The following PRRT4 variants were observed in gnomAD, a reference collection of about 807,000 sequenced individuals.
The protein encoded by PRRT4 is proline-rich transmembrane protein 4.
PRRT4 carries 59 observed loss-of-function variants against 55.6 expected under a neutral mutation model. The observed-to-expected ratio is 1.06, with a 90% CI of 0.86 to 1.32. The LOEUF is 1.32. Among genes scored for constraint, PRRT4 ranks in the 40% most tolerant of loss-of-function variants. PRRT4 has a pLI of 0.00. For missense variants in PRRT4, 1,217 were observed against 1,222.0 expected (o/e 1.00, Z 0.06); for synonymous variants, 606 against 601.8 (o/e 1.01, Z -0.10).
exon 2 of PRRT4, chr7:128,359,617 G>A: frequency 6.5e-7 from 1 of 1,528,512 alleles, no homozygotes; most frequent in Admixed American, 2.1e-5. Context: ...GAAGCAGGGA[G>A]GAGGCCCGGG....
chr7:128,352,150 G>C (rs1004759918), exon 5 of PRRT4: 3 of 1,346,032 alleles, frequency 2.2e-6, no homozygotes, highest in South Asian at 3.7e-5. Flanking sequence ...GAGCAGCAGC[G>C]CAGCCAGGCC....
In PRRT4 at chr7:128,360,149, G is replaced by A. The variant is rs144880813; in HGVS notation, c.-72-86C>T. On this transcript the variant is annotated intron_variant, in intron 1 of 4. Coordinates refer to ENST00000535159, the Ensembl canonical transcript of PRRT4. ...TCGGATGTCCCAGAGAGAGGCTTCT[G>A]ATCTCAGAGAAGCAGGTAGTGTGGG... 8.3e-5 allele frequency: 43 copies of A among 519,604 alleles called. 1 individual carries two copies. In the East Asian group the frequency reaches 1.5e-3, roughly 18 times the overall value. 32.2% of individuals were successfully genotyped at this position (519,604 alleles called of 1,614,324 possible). A position where few individuals can be genotyped will look rare whatever the true frequency, so the allele number is the denominator to read the frequency against.
exon 5 of PRRT4, chr7:128,352,311 G>T: frequency 6.5e-7 from 1 of 1,542,700 alleles, no homozygotes. Context: ...AGAAGAGCGG[G>T]AAGGCCCGCG....
exon 2 of PRRT4, chr7:128,359,476 G>A (rs1273020867): frequency 6.8e-7 from 1 of 1,463,418 alleles, no homozygotes; most frequent in South Asian, 1.5e-5. Flanking sequence ...GCTCGCTCTG[G>A]TGGGGCCTGG....
In PRRT4 at chr7:128,352,537, G is replaced by C. The variant is rs1797014929; in HGVS notation, c.1019C>G (p.Pro340Arg). 3.2e-6 allele frequency: 5 copies of C among 1,544,166 alleles called. No homozygotes were observed. The East Asian group carries it at 1.2e-4, about 38-fold the overall frequency. ...CAGGGTCAGGAAAAAGAGGGGCCTC[G>C]GCGCCTCGGGAGGCTGCCCCTCGCG... The change falls in exon 5 of 5, where the codon CCG becomes CGG. Residue 340 changes from proline to arginine, a missense_variant. Around this residue, in one of 3 missense-constraint regions of PRRT4, gnomAD observed 564 missense variants for 592.9 expected, o/e 0.95. Transcript: ENST00000535159.
At chr7:128,350,729 G>A, downstream of PRRT4, 2 of 1,430,372 alleles carry the variant, frequency 1.4e-6, no homozygotes, top group East Asian at 2.5e-5. Flanking sequence ...AGGGACCCCT[G>A]GATGGGGAAG....
intron 4 of PRRT4, among the ~76,000 whole-genome samples, chr7:128,355,341 G>C (rs1265975606): frequency 1.3e-5 from 2 of 152,132 alleles, no homozygotes; most frequent in Non-Finnish European, 2.9e-5. Flanking sequence ...GGGATTACAG[G>C]TGCGTGCCAC....
exon 5 of PRRT4, chr7:128,350,864 C>G: frequency 6.4e-7 from 1 of 1,551,086 alleles, no homozygotes; most frequent in Non-Finnish European, 8.7e-7. Context: ...CTTCACAGGT[C>G]TATGGTGTCG....
At chr7:128,357,934 G>A (rs1262714325) in intron 4 of PRRT4, among the ~76,000 whole-genome samples, 1 of 152,152 alleles carries the variant, frequency 6.6e-6, no homozygotes, top group Non-Finnish European at 1.5e-5. Flanking sequence ...ATGCAGTGGG[G>A]GACAGAAGCA....
At chr7:128,354,563 C>G (rs1246348376) in intron 4 of PRRT4, among the ~76,000 whole-genome samples, 1 of 147,368 alleles carries the variant, frequency 6.8e-6, no homozygotes, top group Non-Finnish European at 1.5e-5. Flanking sequence ...GACTCTGGCT[C>G]AAAAAAAACA....
Position 128,351,482 on chromosome 7 carries a change from C to T in PRRT4, c.2074G>A (p.Gly692Arg), listed in dbSNP as rs1015302415. Residue 692 changes from glycine (G) to arginine (R), a missense_variant, in exon 5 of 5, where the codon GGA (glycine) becomes AGA (arginine). Transcript: ENST00000535159. ...GCGCCTTCGAAGCCCCGGCAACCTC[C>T]GCCCTGGAGTAGGAGGTCTGGGCCT... The T allele has an allele frequency of 6.1e-5, 93 of 1,519,516 alleles. No homozygotes were observed. In the African/African-American group the frequency reaches 1.0e-3, roughly 17 times the overall value. The allele number at this position is 1,519,516 out of a possible 1,614,324, so 94.1% of individuals were successfully genotyped here.
exon 5 of PRRT4, chr7:128,351,664 G>A: frequency 6.6e-7 from 1 of 1,513,226 alleles, no homozygotes; most frequent in Non-Finnish European, 8.8e-7. Flanking sequence ...CCAGCAGCGC[G>A]GCGGCACGCG....
chr7:128,359,877 G>A, exon 2 of PRRT4: 1 of 1,471,668 alleles, frequency 6.8e-7, no homozygotes, highest in Non-Finnish European at 9.0e-7. Flanking sequence ...TGAGGTACGG[G>A]GGTCAAAGTG....
chr7:128,354,647 C>T (rs929004197), intron 4 of PRRT4, among the ~76,000 whole-genome samples: 13 of 151,380 alleles, frequency 8.6e-5, no homozygotes, highest in Non-Finnish European at 1.6e-4. Flanking sequence ...AAACAAAAAA[C>T]ATAAGAGTTC....
chr7:128,359,204 G>C, exon 3 of PRRT4: 3 of 1,551,774 alleles, frequency 1.9e-6, no homozygotes, highest in Non-Finnish European at 2.6e-6. Context: ...CACCTGGGGG[G>C]CTCAGGCCGG....
At chr7:128,353,459 A>G (rs1017029954) in intron 4 of PRRT4, among the ~76,000 whole-genome samples, 48 of 150,610 alleles carry the variant, frequency 3.2e-4, no homozygotes, top group Middle Eastern at 3.5e-3. Flanking sequence ...ACATACACGC[A>G]CACACACACA....
Position 128,352,717 on chromosome 7 carries a change from G to A in PRRT4, c.878-39C>T, listed in dbSNP as rs545956114. The A allele has an allele frequency of 2.7e-6, 4 of 1,479,668 alleles. No homozygotes were observed. In the South Asian group the frequency reaches 4.0e-5, roughly 15 times the overall value. 91.7% of individuals were successfully genotyped at this position (1,479,668 alleles called of 1,614,324 possible). On this transcript the variant is annotated intron_variant, in intron 4 of 4. Transcript: ENST00000535159. ...ACGTTTGGCTTGAGGCAATGATGCAGCCCTCCCCTTACCCACCCCACAAGC... is the reference window on the plus strand; with the variant it reads ...ACGTTTGGCTTGAGGCAATGATGCAACCCTCCCCTTACCCACCCCACAAGC...
intron 4 of PRRT4, among the ~76,000 whole-genome samples, chr7:128,357,638 C>T (rs1391740300): frequency 2.0e-5 from 3 of 152,186 alleles, no homozygotes; most frequent in Admixed American, 2.0e-4. Context: ...AGCCAGAGAA[C>T]CAGGTCATGG....
At position 128,361,479 on chromosome 7, in the gene PRRT4, C is replaced by T. The variant is rs1025113351; in HGVS notation, c.-73+82G>A. On this transcript the variant is annotated intron_variant, in intron 1 of 4. Coordinates refer to ENST00000535159, the Ensembl canonical transcript of PRRT4. ...GGACCTCCAGCCCCCGGCGGCCCCT[C>T]GCCTAGTCCAGAGACCGCAGCCTCG... The T allele has an allele frequency of 1.5e-4, 23 of 153,736 alleles. 1 individual carries two copies. The highest frequency in any genetic ancestry group is 2.2e-4 in the African/African-American group (9 of 41,560). The allele number at this position is 153,736 out of a possible 1,614,324, so 9.5% of individuals were successfully genotyped here.
Sources: allele counts gnomAD v4.1 joint callset (sites outside exome capture counted in the v4.1 genomes callset), GRCh38; gene constraint gnomAD v4.1.1; regional missense constraint gnomAD v4.1.1; transcripts MANE v1.5; gene names NCBI Gene and HGNC (gene_info 2026-07-23, HGNC 2026-07-21).